Variants in SORCS2 observed in about 807,000 individuals in gnomAD.
SORCS2 encodes sortilin related VPS10 domain containing receptor 2.
In SORCS2, 100 loss-of-function variants were observed where a neutral mutation model predicts 141.6. That is an observed-to-expected ratio of 0.71 (90% CI 0.60 to 0.83). The LOEUF is 0.83. Among genes scored for constraint, SORCS2 ranks in the 40% least tolerant of loss-of-function variants. SORCS2 has a pLI of 0.00. For missense variants in SORCS2, 1,646 were observed against 1,560.2 expected, an observed-to-expected ratio of 1.05 and a Z score of -0.93; for synonymous variants, 789 against 676.9, an observed-to-expected ratio of 1.17 and a Z score of -2.57.
At chr4:7,659,955 C>T (rs1050330139) in intron 5 of SORCS2, among the ~76,000 whole-genome samples, 1 of 152,220 alleles carries the variant, frequency 6.6e-6, no homozygotes. Flanking sequence ...GCTCTACTAG[C>T]TTTATGAGCT....
Position 7,703,318 on chromosome 4 carries a change from C to G in SORCS2, c.1707C>G (p.His569Gln). The change falls in exon 13 of 27, where the codon CAC becomes CAG. Residue 569 changes from histidine (H) to glutamine (Q), a missense_variant. By Grantham distance (24) the His-to-Gln change is conservative (BLOSUM62 0). Coordinates refer to ENST00000507866, the MANE Select transcript of SORCS2 (RefSeq NM_020777.3). Reference protein sequence around the residue: ...EEEHHILYLDHGGVIVAIKDT... With the variant: ...EEEHHILYLDQGGVIVAIKDT... ...AGCATCACATCCTGTACCTGGACCA[C>G]GGCGGCGTGATCGTGGCCATCAAAG... The G allele has an allele frequency of 6.2e-7, 1 of 1,613,344 alleles. No individual in the cohort carries two copies. The highest frequency in any genetic ancestry group is 8.5e-7 in the Non-Finnish European group (1 of 1,179,642).
At chr4:7,629,207 C>T (rs1460170528) in intron 3 of SORCS2, among the ~76,000 whole-genome samples, 3 of 152,068 alleles carry the variant, frequency 2.0e-5, no homozygotes, top group African/African-American at 4.8e-5. Context: ...CAAAATAGCA[C>T]ATCGTAACCA....
chr4:7,533,712 G>A (rs1711856662), intron 3 of SORCS2, among the ~76,000 whole-genome samples: 1 of 152,262 alleles, frequency 6.6e-6, no homozygotes, highest in Admixed American at 6.5e-5. Context: ...GTCAGGCAAG[G>A]TGTCACATGG....
intron 1 of SORCS2, among the ~76,000 whole-genome samples, chr4:7,339,744 T>G (rs1057013484): frequency 6.6e-6 from 1 of 151,518 alleles, no homozygotes; most frequent in Non-Finnish European, 1.5e-5. Flanking sequence ...ATAGGAATTT[T>G]GGGGAGCACA....
At chr4:7,412,991 C>T (rs999090234) in intron 2 of SORCS2, among the ~76,000 whole-genome samples, 4 of 152,112 alleles carry the variant, frequency 2.6e-5, no homozygotes, top group African/African-American at 9.7e-5. Flanking sequence ...GAATGGAATC[C>T]ACATCCACGA....
At chr4:7,299,971 A>C (rs1240493406) in intron 1 of SORCS2, among the ~76,000 whole-genome samples, 1 of 152,180 alleles carries the variant, frequency 6.6e-6, no homozygotes, top group African/African-American at 2.4e-5. Flanking sequence ...GCCCCTGCTG[A>C]GCTGTGACAG....
intron 2 of SORCS2, among the ~76,000 whole-genome samples, chr4:7,510,845 T>C (rs983624584): frequency 6.6e-6 from 1 of 152,194 alleles, no homozygotes; most frequent in Non-Finnish European, 1.5e-5. Context: ...AACATCATGC[T>C]CTGTCCTCCT....
intron 14 of SORCS2, among the ~76,000 whole-genome samples, chr4:7,707,645 G>C (rs1233497573): frequency 6.6e-6 from 1 of 152,246 alleles, no homozygotes; most frequent in Non-Finnish European, 1.5e-5. Context: ...TGGTGGCTGT[G>C]CCCTGCCCCA....
chr4:7,640,399 T>G (rs112177535), intron 4 of SORCS2, among the ~76,000 whole-genome samples: 14,485 of 145,438 alleles, frequency 0.1, 886 homozygotes, highest in South Asian at 0.21. Flanking sequence ...GGTGTGTGAG[T>G]GTGTGTGGGT....
chr4:7,386,694 C>A (rs1309124350), intron 1 of SORCS2, among the ~76,000 whole-genome samples: 2 of 149,112 alleles, frequency 1.3e-5, no homozygotes, highest in African/African-American at 2.5e-5. Flanking sequence ...TGCACACATG[C>A]ACACACAGAT....
intron 2 of SORCS2, 41 bp from the exon 3 acceptor site, chr4:7,531,489 T>G (rs1711639687): frequency 2.5e-6 from 4 of 1,594,090 alleles, no homozygotes; most frequent in Non-Finnish European, 3.4e-6. Context: ...AGGCCACACT[T>G]GGAGGGTACA....
Position 7,741,110 on chromosome 4 carries a change from G to C in SORCS2, c.*846G>C. On this transcript the variant is annotated 3_prime_UTR_variant, in exon 27 of 27. Transcript: ENST00000507866. ...CACCTGATGGCTGTTCTCCCACCGG[G>C]TCTGGGCTCTGGAAGGAGCCAGATG... 2.5e-6 allele frequency: 1 copy of C among 398,724 alleles called. No homozygotes were observed. The highest frequency in any genetic ancestry group is 4.4e-6 in the Non-Finnish European group (1 of 226,150). 24.7% of individuals were successfully genotyped at this position (398,724 alleles called of 1,614,324 possible). A position where few individuals can be genotyped will look rare whatever the true frequency, so the allele number is the denominator to read the frequency against.
At chr4:7,538,689 A>AT (rs1712328642) in intron 3 of SORCS2, among the ~76,000 whole-genome samples, 1 of 152,056 alleles carries the variant, frequency 6.6e-6, no homozygotes, top group South Asian at 2.1e-4. Context: ...CCCACCCACC[A>AT]TATCACCCGG....
chr4:7,395,120 T>A (rs115814691), intron 1 of SORCS2, among the ~76,000 whole-genome samples: 2,480 of 140,956 alleles, frequency 0.018, 66 homozygotes, highest in African/African-American at 0.062. Flanking sequence ...CTCGCTTTTT[T>A]AAATCATCGC....
Position 7,733,333 on chromosome 4 carries a change from C to T in SORCS2, c.3120C>T (p.Ala1040=). The change falls in exon 24 of 27, where the codon GCC becomes GCT. Residue 1040 remains alanine, a synonymous_variant. Coordinates refer to ENST00000507866, the MANE Select transcript of SORCS2 (RefSeq NM_020777.3). The stretch of plus-strand genomic sequence containing the variant: ...CTCTGTGCTTGCAGAGGCTCGCCGC[C>T]ATCCAGCAGGTGCTGAACGCACAGA... The part of the protein sequence containing the change: ...RSLSSDKRLA[A]IQQVLNAQKI... 1.9e-6 allele frequency: 3 copies of T among 1,556,638 alleles called. No homozygotes were observed. Among genetic ancestry groups the T allele is most frequent in the Non-Finnish European group, 2.6e-6 (3 of 1,151,450 alleles).
intron 2 of SORCS2, among the ~76,000 whole-genome samples, chr4:7,503,435 G>C (rs1732091221): frequency 6.6e-6 from 1 of 152,206 alleles, no homozygotes; most frequent in Admixed American, 6.5e-5. Context: ...ATGAGCTAGA[G>C]ACCGAGATGG....
At chr4:7,416,514 C>T (rs1016869267) in intron 2 of SORCS2, among the ~76,000 whole-genome samples, 10 of 151,108 alleles carry the variant, frequency 6.6e-5, no homozygotes. Context: ...ACGCTTCCTC[C>T]TCCATACTGA....
At chr4:7,571,930 C>A (rs944082528) in intron 3 of SORCS2, among the ~76,000 whole-genome samples, 1 of 152,194 alleles carries the variant, frequency 6.6e-6, no homozygotes, top group African/African-American at 2.4e-5. Flanking sequence ...GTCATCCGCT[C>A]AACTCAGCAA....
intron 2 of SORCS2, among the ~76,000 whole-genome samples, chr4:7,480,759 GC>G (rs1196756828): frequency 6.6e-6 from 1 of 152,176 alleles, no homozygotes; most frequent in Non-Finnish European, 1.5e-5. Context: ...CCCTCCACCC[GC>G]CCCAGGCTCC....
Sources: gnomAD v4.1 joint callset for allele counts (sites outside exome capture counted in the v4.1 genomes callset) on GRCh38, gnomAD v4.1.1 for gene constraint, MANE v1.5 for transcripts, NCBI Gene and HGNC (gene_info 2026-07-23, HGNC 2026-07-21) for gene names.